Variants in CTNNA3 observed in about 807,000 individuals in gnomAD.
The protein encoded by CTNNA3 is catenin alpha-3.
A neutral mutation model predicts 95.7 loss-of-function variants in CTNNA3; 76 were observed. The ratio of observed to expected loss-of-function variants is 0.79; its 90% CI spans 0.66 to 0.96. The LOEUF is 0.96. Among genes scored for constraint, CTNNA3 ranks in the 40% least tolerant of loss-of-function variants. CTNNA3 has a pLI of 0.00. For synonymous variants in CTNNA3, 431 were observed against 374.4 expected (o/e 1.15, Z -1.74); for missense variants, 1,191 against 1,089.8 (o/e 1.09, Z -1.31).
intron 2 of CTNNA3, among the ~76,000 whole-genome samples, chr10:67,636,546 C>A (rs989577601): frequency 3.9e-5 from 6 of 152,096 alleles, no homozygotes; most frequent in African/African-American, 1.2e-4. Context: ...CTTCGACAAA[C>A]CTGACAAAAA....
intron 13 of CTNNA3, among the ~76,000 whole-genome samples, chr10:66,247,477 ATT>A (rs1554905540): frequency 6.6e-6 from 1 of 152,214 alleles, no homozygotes; most frequent in Non-Finnish European, 1.5e-5. Context: ...CGATATCAAT[ATT>A]TAAGTACAAT....
rs570782767 is a variant in CTNNA3 at position 67,328,991 on chromosome 10, A to T, written c.580-109121T>A. Reference sequence around the variant, plus strand: ...CAGAATTCTGATTTGTAACATCCAGATAAACCCATAAGTGATTTTTCCAGT... The same window carrying T: ...CAGAATTCTGATTTGTAACATCCAGTTAAACCCATAAGTGATTTTTCCAGT... On this transcript the variant is annotated intron_variant, in intron 5 of 17. Transcript: ENST00000433211. 2.6e-5 allele frequency among the ~76,000 whole-genome samples: 4 copies of T among 152,336 alleles called. No homozygotes were observed. The South Asian group carries it at 8.3e-4, about 32-fold the overall frequency.
At chr10:67,736,972 T>C (rs1000095212) in intron 1 of CTNNA3, among the ~76,000 whole-genome samples, 1 of 151,958 alleles carries the variant, frequency 6.6e-6, no homozygotes, top group African/African-American at 2.4e-5. Context: ...ATTTTAATTT[T>C]TTTTTGGGGG....
At chr10:67,028,745 G>GA (rs1354723809) in intron 7 of CTNNA3, among the ~76,000 whole-genome samples, 2 of 151,904 alleles carry the variant, frequency 1.3e-5, no homozygotes, top group Non-Finnish European at 2.9e-5. Context: ...GGTCTTCTAG[G>GA]AAAAATGGAA....
At chr10:66,289,341 C>A (rs1424446826) in intron 12 of CTNNA3, among the ~76,000 whole-genome samples, 1 of 59,266 alleles carries the variant, frequency 1.7e-5, no homozygotes, top group Non-Finnish European at 3.5e-5. Flanking sequence ...GTAATCCCAG[C>A]ACTTTGGAAA....
chr10:66,697,027 C>T (rs965624317), intron 9 of CTNNA3, among the ~76,000 whole-genome samples: 36 of 152,062 alleles, frequency 2.4e-4, no homozygotes, highest in East Asian at 3.9e-4. Context: ...AATTTTTGAA[C>T]GCTCTATCTC....
chr10:66,648,028 C>G (rs971923645), intron 9 of CTNNA3, among the ~76,000 whole-genome samples: 2 of 152,122 alleles, frequency 1.3e-5, no homozygotes. Context: ...GCACCTAACA[C>G]TACAAAGTTT....
intron 7 of CTNNA3, among the ~76,000 whole-genome samples, chr10:67,009,777 C>G (rs927700126): frequency 6.6e-6 from 1 of 152,106 alleles, no homozygotes; most frequent in African/African-American, 2.4e-5. Context: ...CCTCTGTCAC[C>G]AAATCTCTTA....
intron 7 of CTNNA3, chr10:67,097,921 A>T: frequency 1.3e-6 from 1 of 777,796 alleles, no homozygotes; most frequent in Non-Finnish European, 2.1e-6. Flanking sequence ...TCAAATAAAC[A>T]AAAAATCCAA....
intron 7 of CTNNA3, among the ~76,000 whole-genome samples, chr10:67,078,041 C>G (rs1041594211): frequency 8.5e-5 from 13 of 152,178 alleles, no homozygotes; most frequent in African/African-American, 3.1e-4. Flanking sequence ...TACATCCTAA[C>G]TAGACCACAG....
intron 17 of CTNNA3, among the ~76,000 whole-genome samples, chr10:65,936,246 T>C (rs544518216): frequency 1.3e-5 from 2 of 152,132 alleles, no homozygotes; most frequent in African/African-American, 2.4e-5. Flanking sequence ...AGTTAACTTT[T>C]AGTATCTGGT....
At chr10:67,667,212 C>T (rs991493141) in intron 1 of CTNNA3, among the ~76,000 whole-genome samples, 3 of 151,996 alleles carry the variant, frequency 2.0e-5, no homozygotes, top group Admixed American at 6.6e-5. Flanking sequence ...CATAAACATG[C>T]GGTATTATGA....
At chr10:66,213,394 G>A (rs1439360088) in intron 13 of CTNNA3, among the ~76,000 whole-genome samples, 1 of 152,014 alleles carries the variant, frequency 6.6e-6, no homozygotes, top group Middle Eastern at 3.2e-3. Context: ...AGCAAATAGT[G>A]GTTAATTTAT....
intron 5 of CTNNA3, among the ~76,000 whole-genome samples, chr10:67,464,364 C>A (rs544261806): frequency 6.6e-6 from 1 of 152,272 alleles, no homozygotes; most frequent in Admixed American, 6.5e-5. Context: ...GTACCTTGAT[C>A]CCTTTAGATC....
At chr10:67,181,596 T>G (rs191476954) in intron 6 of CTNNA3, among the ~76,000 whole-genome samples, 1 of 152,206 alleles carries the variant, frequency 6.6e-6, no homozygotes, top group Admixed American at 6.5e-5. Context: ...TAGTATATAA[T>G]CTTATGTATA....
intron 12 of CTNNA3, among the ~76,000 whole-genome samples, chr10:66,299,946 A>G (rs7902281): frequency 0.49 from 73,897 of 151,946 alleles, 18,383 homozygotes; most frequent in African/African-American, 0.59. Flanking sequence ...AGGCTGGAGC[A>G]CAATGGCATG....
intron 9 of CTNNA3, among the ~76,000 whole-genome samples, chr10:66,645,280 T>A (rs531879893): frequency 2.0e-3 from 310 of 152,266 alleles, no homozygotes; most frequent in Non-Finnish European, 3.4e-3. Flanking sequence ...TGCCTAGCCC[T>A]AGATCCCGAA....
intron 11 of CTNNA3, among the ~76,000 whole-genome samples, chr10:66,486,574 A>C (rs1218076261): frequency 1.3e-5 from 2 of 152,208 alleles, no homozygotes; most frequent in African/African-American, 4.8e-5. Flanking sequence ...AAAAACGGGA[A>C]GCTTTGTACA....
At chr10:66,100,629 C>T (rs1237703631) in intron 14 of CTNNA3, among the ~76,000 whole-genome samples, 2 of 152,154 alleles carry the variant, frequency 1.3e-5, no homozygotes, top group Admixed American at 1.3e-4. Flanking sequence ...GTTTCCACAA[C>T]ATTAGAAGCA....
Sources: allele counts gnomAD v4.1 joint callset (sites outside exome capture counted in the v4.1 genomes callset), GRCh38; gene constraint gnomAD v4.1.1; transcripts MANE v1.5; gene names NCBI Gene and HGNC (gene_info 2026-07-23, HGNC 2026-07-21).